The following ANKRD62 variants were observed in gnomAD, a reference collection of about 807,000 sequenced individuals.
The protein encoded by ANKRD62 is ankyrin repeat domain-containing protein 62.
Under a neutral mutation model 98.8 loss-of-function variants are expected in ANKRD62, and 61 were observed. The observed-to-expected ratio is 0.62, with a 90% CI of 0.50 to 0.76. The LOEUF is 0.76. Among genes scored for constraint, ANKRD62 ranks in the 30% least tolerant of loss-of-function variants. ANKRD62 has a pLI of 0.00. For missense variants in ANKRD62, 933 were observed against 1,082.9 expected (o/e 0.86, Z 1.94); for synonymous variants, 341 against 367.9 (o/e 0.93, Z 0.84).
chr18:12,113,143 C>T (rs542559142), intron 8 of ANKRD62, among the ~76,000 whole-genome samples: 2 of 152,228 alleles, frequency 1.3e-5, no homozygotes, highest in East Asian at 3.9e-4. Context: ...AATCTGCCCA[C>T]CTTGGCCTCC....
intron 4 of ANKRD62, 141 bp from the exon 5 acceptor site, chr18:12,097,499 C>T: frequency 1.1e-6 from 1 of 926,598 alleles, no homozygotes; most frequent in South Asian, 2.1e-5. Flanking sequence ...CCTTGAGCAC[C>T]CAAGATGTTT....
the ANKRD62 span, among the ~76,000 whole-genome samples, chr18:12,139,425 A>G: frequency 2.6e-5 from 4 of 152,090 alleles, no homozygotes; most frequent in African/African-American, 9.7e-5. Flanking sequence ...AGGGCGGATC[A>G]CGAGGTCAGG....
At chr18:12,105,505 C>G (rs937855401) in intron 7 of ANKRD62, among the ~76,000 whole-genome samples, 9 of 152,104 alleles carry the variant, frequency 5.9e-5, no homozygotes, top group African/African-American at 1.2e-4. Context: ...GTGGATCTAC[C>G]TTTTTGGGGT....
chr18:12,135,220 G>A, the ANKRD62 span, among the ~76,000 whole-genome samples: 1 of 119,498 alleles, frequency 8.4e-6, no homozygotes, highest in South Asian at 2.6e-4. Flanking sequence ...AGTCCCCAGA[G>A]TGTGATGTTC....
chr18:12,162,473 A>T, the ANKRD62 span, among the ~76,000 whole-genome samples: 1 of 151,888 alleles, frequency 6.6e-6, no homozygotes, highest in Non-Finnish European at 1.5e-5. Flanking sequence ...TCTGTCAGTT[A>T]TCTGTTCACT....
At chr18:12,112,156 G>A (rs893419968) in intron 8 of ANKRD62, among the ~76,000 whole-genome samples, 1 of 148,196 alleles carries the variant, frequency 6.7e-6, no homozygotes, top group African/African-American at 2.5e-5. Flanking sequence ...AAAGCATTTC[G>A]TAGACTCAAT....
At chr18:12,120,541 T>TA (rs1359437765) in intron 10 of ANKRD62, among the ~76,000 whole-genome samples, 1 of 152,212 alleles carries the variant, frequency 6.6e-6, no homozygotes, top group African/African-American at 2.4e-5. Flanking sequence ...GTACATTTCT[T>TA]ATAGACAGCA....
At chr18:12,145,442 A>G in the ANKRD62 span, among the ~76,000 whole-genome samples, 139 of 152,342 alleles carry the variant, frequency 9.1e-4, 2 homozygotes, top group South Asian at 2.1e-3. Flanking sequence ...CACTAAAAAT[A>G]GTCAACGAGG....
the ANKRD62 span, among the ~76,000 whole-genome samples, chr18:12,168,252 G>A: frequency 2.0e-5 from 3 of 152,060 alleles, no homozygotes; most frequent in Non-Finnish European, 4.4e-5. Context: ...TTCTTCTAGG[G>A]TTTTTATGGT....
At chr18:12,181,189 A>G in the ANKRD62 span, among the ~76,000 whole-genome samples, 20 of 150,130 alleles carry the variant, frequency 1.3e-4, no homozygotes, top group African/African-American at 4.8e-4. Context: ...TGAAACTAAA[A>G]TCAGATAAGG....
At chr18:12,102,440 C>T (rs936869000) in intron 6 of ANKRD62, 4 of 472,326 alleles carry the variant, frequency 8.5e-6, no homozygotes, top group East Asian at 8.8e-5. Context: ...TTGGGCACCG[C>T]GAAGGGTACT....
At chr18:12,169,307 T>C in the ANKRD62 span, among the ~76,000 whole-genome samples, 5 of 152,246 alleles carry the variant, frequency 3.3e-5, no homozygotes, top group Admixed American at 3.3e-4. Context: ...ATATGTGCCA[T>C]CAATACCTAG....
At chr18:12,137,371 A>G in the ANKRD62 span, among the ~76,000 whole-genome samples, 1 of 152,152 alleles carries the variant, frequency 6.6e-6, no homozygotes, top group Non-Finnish European at 1.5e-5. Flanking sequence ...CATATGTTGA[A>G]CCAGCCTTGC....
chr18:12,129,954 C>A (rs1025736799), downstream of ANKRD62, among the ~76,000 whole-genome samples: 13 of 152,226 alleles, frequency 8.5e-5, no homozygotes, highest in African/African-American at 2.6e-4. Flanking sequence ...AATGCAGAAT[C>A]AACGCACAGA....
At chr18:12,114,037 A>G (rs1385280524) in intron 8 of ANKRD62, among the ~76,000 whole-genome samples, 2 of 152,182 alleles carry the variant, frequency 1.3e-5, no homozygotes, top group East Asian at 3.8e-4. Context: ...AACACAGTAA[A>G]AGAAAACCAA....
At chr18:12,131,072 G>A (rs1598740270), downstream of ANKRD62, among the ~76,000 whole-genome samples, 1 of 152,188 alleles carries the variant, frequency 6.6e-6, no homozygotes, top group Admixed American at 6.5e-5. Context: ...GAGGTCAGGT[G>A]TGGACCTTTC....
the ANKRD62 span, among the ~76,000 whole-genome samples, chr18:12,140,369 G>C: frequency 6.6e-6 from 1 of 152,160 alleles, no homozygotes; most frequent in African/African-American, 2.4e-5. Context: ...TCTGTGTCCA[G>C]CTTTGTTCCA....
chr18:12,099,954 A>G (rs1909263746), intron 6 of ANKRD62, among the ~76,000 whole-genome samples: 1 of 152,190 alleles, frequency 6.6e-6, no homozygotes, highest in Non-Finnish European at 1.5e-5. Context: ...AAGAAAAAAG[A>G]TTAAGTTAGT....
the ANKRD62 span, among the ~76,000 whole-genome samples, chr18:12,158,800 C>T: frequency 6.6e-6 from 1 of 151,940 alleles, no homozygotes; most frequent in African/African-American, 2.4e-5. Context: ...TCCCAAAGTG[C>T]TGGGATTACA....
Sources: allele counts gnomAD v4.1 joint callset (sites outside exome capture counted in the v4.1 genomes callset), GRCh38; gene constraint gnomAD v4.1.1; transcripts MANE v1.5; gene names NCBI Gene and HGNC (gene_info 2026-07-23, HGNC 2026-07-21).